The following PGPEP1L variants were observed in gnomAD, a reference collection of about 807,000 sequenced individuals.
PGPEP1L encodes pyroglutamyl-peptidase I like.
In PGPEP1L, 7 loss-of-function variants were observed where a neutral mutation model predicts 6.0. The observed-to-expected ratio is 1.17, with a 90% CI of 0.66 to 2.19. The LOEUF (loss-of-function observed/expected upper bound fraction) is 2.19, where lower values mean the gene tolerates loss of function less well. Among genes scored for constraint, PGPEP1L ranks in the 30% most tolerant of loss-of-function variants. PGPEP1L has a pLI of 0.00. For missense variants in PGPEP1L, 209 were observed against 192.5 expected, an observed-to-expected ratio of 1.09 and a Z score of -0.51; for synonymous variants, 103 against 83.9, an observed-to-expected ratio of 1.23 and a Z score of -1.24.
intron 2 of PGPEP1L, among the ~76,000 whole-genome samples, chr15:98,997,729 T>TTTA (rs1437436367): frequency 6.6e-6 from 1 of 152,180 alleles, no homozygotes; most frequent in East Asian, 1.9e-4. Flanking sequence ...CAACATCTGC[T>TTTA]TTATTATTCC....
intron 2 of PGPEP1L, among the ~76,000 whole-genome samples, chr15:98,984,765 T>C (rs1425017728): frequency 6.6e-6 from 1 of 152,024 alleles, no homozygotes; most frequent in East Asian, 1.9e-4. Flanking sequence ...GAAGAGACAG[T>C]GGTCCTGCAG....
intron 2 of PGPEP1L, among the ~76,000 whole-genome samples, chr15:98,986,558 T>C (rs558954238): frequency 1.3e-5 from 2 of 152,346 alleles, no homozygotes; most frequent in African/African-American, 4.8e-5. Context: ...AATGTAAGTA[T>C]AGCACATTCT....
intron 2 of PGPEP1L, among the ~76,000 whole-genome samples, chr15:99,003,704 G>C (rs1370969976): frequency 1.3e-5 from 2 of 148,170 alleles, no homozygotes; most frequent in Non-Finnish European, 3.0e-5. Flanking sequence ...GGAATCCAGC[G>C]GGCATTCCCA....
intron 2 of PGPEP1L, among the ~76,000 whole-genome samples, chr15:98,988,447 CCT>C (rs1325502603): frequency 6.6e-6 from 1 of 152,196 alleles, no homozygotes; most frequent in Non-Finnish European, 1.5e-5. Flanking sequence ...CTAGATCCCT[CCT>C]CTCTGGGAAG....
At chr15:99,000,426 G>T (rs1158764887) in intron 2 of PGPEP1L, among the ~76,000 whole-genome samples, 1 of 152,248 alleles carries the variant, frequency 6.6e-6, no homozygotes, top group Non-Finnish European at 1.5e-5. Flanking sequence ...TCCACCTACG[G>T]CCCCAGTGCG....
At chr15:98,981,501 AAAAAACAAAAACAAAAC>A (rs2017661706) in intron 2 of PGPEP1L, among the ~76,000 whole-genome samples, 2 of 148,952 alleles carry the variant, frequency 1.3e-5, no homozygotes, top group Admixed American at 6.7e-5. Context: ...AAAAAAAAAA[AAAAAACAAAAACAAAAC>A]AAAAACAACA....
chr15:98,969,764 C>G (rs989072481), intron 3 of PGPEP1L, 113 bp from the exon 4 acceptor site: 3 of 1,076,218 alleles, frequency 2.8e-6, no homozygotes, highest in Non-Finnish European at 4.1e-6. Flanking sequence ...CAAAACATCT[C>G]AAACCCCAAA....
intron 2 of PGPEP1L, among the ~76,000 whole-genome samples, chr15:98,976,376 A>T (rs905469607): frequency 6.6e-6 from 1 of 152,220 alleles, no homozygotes; most frequent in Non-Finnish European, 1.5e-5. Context: ...TCCCTCAGGG[A>T]TAATAATTAA....
At chr15:98,976,372 A>G (rs1353223003) in intron 2 of PGPEP1L, among the ~76,000 whole-genome samples, 1 of 152,206 alleles carries the variant, frequency 6.6e-6, no homozygotes, top group Non-Finnish European at 1.5e-5. Flanking sequence ...AACATCCCTC[A>G]GGGATAATAA....
At chr15:98,992,142 A>G (rs2017827976) in intron 2 of PGPEP1L, among the ~76,000 whole-genome samples, 1 of 152,252 alleles carries the variant, frequency 6.6e-6, no homozygotes, top group African/African-American at 2.4e-5. Flanking sequence ...TCAAATAGGA[A>G]GAGAAGAAGT....
intron 2 of PGPEP1L, chr15:99,001,362 G>A (rs1263429117): frequency 4.7e-6 from 1 of 211,190 alleles, no homozygotes; most frequent in Non-Finnish European, 9.9e-6. Flanking sequence ...ACATCTATAG[G>A]GACAAAGTAT....
At chr15:98,974,968 G>C (rs907638303) in intron 2 of PGPEP1L, among the ~76,000 whole-genome samples, 23 of 152,148 alleles carry the variant, frequency 1.5e-4, no homozygotes, top group African/African-American at 5.3e-4. Context: ...TGACTGCTGG[G>C]TATATATCAA....
At chr15:98,992,822 A>C (rs2017837164) in intron 2 of PGPEP1L, among the ~76,000 whole-genome samples, 1 of 152,210 alleles carries the variant, frequency 6.6e-6, no homozygotes, top group Admixed American at 6.5e-5. Context: ...TCTTTGACAA[A>C]CCTGACAAAA....
chr15:98,995,928 G>T (rs782174668), intron 2 of PGPEP1L, among the ~76,000 whole-genome samples: 1 of 152,106 alleles, frequency 6.6e-6, no homozygotes, highest in Non-Finnish European at 1.5e-5. Context: ...CTTACCATAT[G>T]TAGTCTTTTG....
rs534157364 is a variant in PGPEP1L at position 98,999,308 on chromosome 15, G to T, written c.-142+6121C>A. ...ACATGTCAGTGATGAGGATATACAG[G>T]TGGCAAATAAGCACATGAAAAGATG... On this transcript the variant is annotated intron_variant, in intron 2 of 4. Transcript: ENST00000535714. 3.9e-5 allele frequency among the ~76,000 whole-genome samples: 6 copies of T among 152,348 alleles called. No homozygotes were observed. In the East Asian group the frequency reaches 1.2e-3, roughly 29 times the overall value.
chr15:99,001,060 G>A, intron 2 of PGPEP1L: 1 of 343,382 alleles, frequency 2.9e-6, no homozygotes, highest in Non-Finnish European at 5.7e-6. Flanking sequence ...CACTCCAAAG[G>A]TCCGCAGCTT....
At chr15:99,000,995 C>T (rs548030628) in intron 2 of PGPEP1L, among the ~76,000 whole-genome samples, 40 of 152,088 alleles carry the variant, frequency 2.6e-4, no homozygotes, top group African/African-American at 8.2e-4. Context: ...AGCGAGACCA[C>T]GAACCCACTG....
At chr15:98,980,202 A>G (rs1037581425) in intron 2 of PGPEP1L, among the ~76,000 whole-genome samples, 1 of 152,140 alleles carries the variant, frequency 6.6e-6, no homozygotes, top group African/African-American at 2.4e-5. Context: ...AAATAAATGA[A>G]AAGTGTCCAA....
chr15:98,969,661 C>T lies in PGPEP1L; in HGVS notation c.-18-10G>A, dbSNP rs770121266. 1.3e-5 allele frequency: 21 copies of T among 1,607,972 alleles called. No individual in the cohort carries two copies. The highest frequency in any genetic ancestry group is 1.6e-4 in the Middle Eastern group (1 of 6,070). On this transcript the variant is annotated splice_polypyrimidine_tract_variant and intron_variant, in intron 3 of 4. Coordinates refer to ENST00000535714, the MANE Select transcript of PGPEP1L (RefSeq NM_001167902.2). ...CCACATGCACGACGAGCTGTGTGAACGGGTAACAGCAGAGAGAACCCAGGA... is the reference window on the plus strand; with the variant it reads ...CCACATGCACGACGAGCTGTGTGAATGGGTAACAGCAGAGAGAACCCAGGA...
Sources: gnomAD v4.1 joint callset for allele counts (sites outside exome capture counted in the v4.1 genomes callset) on GRCh38, gnomAD v4.1.1 for gene constraint, MANE v1.5 for transcripts, NCBI Gene and HGNC (gene_info 2026-07-23, HGNC 2026-07-21) for gene names.